NEK9: variants seen among roughly 807,000 people sequenced by gnomAD.
NEK9 encodes the protein NIMA related kinase 9.
Under a neutral mutation model 123.4 loss-of-function variants are expected in NEK9, and 75 were observed. That is an observed-to-expected ratio of 0.61 (90% CI 0.50 to 0.74). The LOEUF (loss-of-function observed/expected upper bound fraction) is 0.74, where lower values mean the gene tolerates loss of function less well. NEK9 is among the 30% of genes least tolerant of loss of function. NEK9 has a pLI of 0.00. For missense variants in NEK9, 952 were observed against 1,214.4 expected (o/e 0.78, Z 3.21); for synonymous variants, 438 against 458.7 (o/e 0.95, Z 0.58).
chr14:75,121,552 A>C (rs1286495395), intron 2 of NEK9, among the ~76,000 whole-genome samples: 1 of 152,358 alleles, frequency 6.6e-6, no homozygotes, highest in South Asian at 2.1e-4. Flanking sequence ...TGTGACTACT[A>C]TAACATCTGG....
rs1895553771 is a variant in NEK9 at position 75,126,894 on chromosome 14, G to A, written c.28C>T (p.His10Tyr). Residue 10 changes from histidine to tyrosine, a missense_variant, in exon 1 of 22, where the codon CAC (histidine) becomes TAC (tyrosine). By Grantham distance (83) the His-to-Tyr change is moderately conservative. Coordinates refer to ENST00000238616, the MANE Select transcript of NEK9 (RefSeq NM_033116.6). ...AAGTCCGAGTTGATGGAATCGCAGT[G>A]TCGCTCGTACTCGCCCAGCACCGAC... MSVLGEYER[H>Y]CDSINSDFGS... is the part of the protein sequence containing the mutation. The A allele has an allele frequency of 6.6e-7, 1 of 1,520,702 alleles. No individual in the cohort carries two copies. The highest frequency in any genetic ancestry group is 8.8e-7 in the Non-Finnish European group (1 of 1,133,042). The allele number at this position is 1,520,702 out of a possible 1,614,324, so 94.2% of individuals were successfully genotyped here.
Position 75,091,478 on chromosome 14 carries a change from A to G in NEK9, c.2234T>C (p.Val745Ala). Residue 745 changes from valine to alanine, a missense_variant and splice_region_variant, in exon 19 of 22, where the codon GTG becomes GCG. This residue lies in a region of NEK9 where 698 missense variants were observed against 875.6 expected (regional missense o/e 0.80). Coordinates refer to ENST00000238616, the MANE Select transcript of NEK9 (RefSeq NM_033116.6). Reference protein sequence around the residue: ...SNSSGLSIGTVFQSSSPGGGG... With the variant: ...SNSSGLSIGTAFQSSSPGGGG... ...TCCTCCCGGGCTAGAGCTCTGAAAC[A>G]CTGACAGATATACAGCACAGAAATA... 1.9e-6 allele frequency: 3 copies of G among 1,579,514 alleles called. No homozygotes were observed. Among genetic ancestry groups the G allele is most frequent in the Non-Finnish European group, 2.6e-6 (3 of 1,165,332 alleles).
chr14:75,108,162 T>C (rs573810485), intron 10 of NEK9, among the ~76,000 whole-genome samples: 2 of 151,968 alleles, frequency 1.3e-5, no homozygotes, highest in Admixed American at 1.3e-4. Flanking sequence ...TTCGCTCTTG[T>C]CACCCAGGCT....
At chr14:75,101,359 C>G (rs1894573910) in intron 15 of NEK9, among the ~76,000 whole-genome samples, 1 of 152,156 alleles carries the variant, frequency 6.6e-6, no homozygotes, top group Non-Finnish European at 1.5e-5. Context: ...ATTGTATTCT[C>G]TCTCCAGTAC....
At position 75,091,382 on chromosome 14, in the gene NEK9, C is replaced by A. The variant is rs768008348; in HGVS notation, c.2330G>T (p.Gly777Val). ...GTCTGCTTCCATTGTTCCTCGGAAGCCTCCACTTGGGTCAGGAGTTTCAGA... is the reference window on the plus strand; with the variant it reads ...GTCTGCTTCCATTGTTCCTCGGAAGACTCCACTTGGGTCAGGAGTTTCAGA... ...QESETPDPSGGFRGTMEADRG... is the reference protein window; with the variant it reads ...QESETPDPSGVFRGTMEADRG... Residue 777 changes from glycine to valine, a missense_variant, in exon 19 of 22, where the codon GGC becomes GTC. By Grantham distance (109) the Gly-to-Val change is moderately radical (BLOSUM62 -3). Around this residue, in one of 4 missense-constraint regions of NEK9, gnomAD observed 698 missense variants for 875.6 expected, o/e 0.80. Transcript: ENST00000238616. 3 of 1,613,866 alleles carry A rather than the reference C, an allele frequency of 1.9e-6. No homozygotes were observed. Among genetic ancestry groups the A allele is most frequent in the African/African-American group, 1.3e-5 (1 of 74,928 alleles).
At chr14:75,109,520 G>A (rs1329583545) in intron 10 of NEK9, among the ~76,000 whole-genome samples, 165 bp downstream of exon 10, 1 of 152,164 alleles carries the variant, frequency 6.6e-6, no homozygotes, top group Non-Finnish European at 1.5e-5. Flanking sequence ...GCATACATCA[G>A]TGAACTAAAC....
Position 75,107,491 on chromosome 14 carries a change from T to G in NEK9, c.1183-4A>C. The G allele has an allele frequency of 6.3e-7, 1 of 1,583,518 alleles. No individual in the cohort carries two copies. Among genetic ancestry groups the G allele is most frequent in the South Asian group, 1.2e-5 (1 of 85,652 alleles). On this transcript the variant is annotated splice_region_variant and splice_polypyrimidine_tract_variant and intron_variant, in intron 10 of 21. Coordinates refer to ENST00000238616, the MANE Select transcript of NEK9 (RefSeq NM_033116.6). ...GTTTAGTGCCTCCTTGCATGTTCTG[T>G]GAAATAAAGAGGTCTTATGACTTTT...
At chr14:75,096,255 C>A (rs936562845) in intron 17 of NEK9, among the ~76,000 whole-genome samples, 2 of 113,268 alleles carry the variant, frequency 1.8e-5, no homozygotes, top group African/African-American at 7.0e-5. Context: ...CCAGCCTGGG[C>A]GACAGAGCGA....
At chr14:75,101,272 TA>T (rs1894570917) in intron 15 of NEK9, 119 bp from the exon 16 acceptor site, 1 of 1,080,074 alleles carries the variant, frequency 9.3e-7, no homozygotes, top group South Asian at 1.6e-5. Flanking sequence ...AATATAAAAC[TA>T]GCCACATGAT....
At chr14:75,115,600 TAC>T (rs957864238) in intron 6 of NEK9, among the ~76,000 whole-genome samples, 13 of 152,352 alleles carry the variant, frequency 8.5e-5, no homozygotes, top group African/African-American at 2.9e-4. Flanking sequence ...TATATATTGT[TAC>T]CATGTTATAG....
At chr14:75,087,749 C>T (rs1010230329) in intron 20 of NEK9, among the ~76,000 whole-genome samples, 2 of 152,248 alleles carry the variant, frequency 1.3e-5, no homozygotes, top group African/African-American at 4.8e-5. Context: ...TTCTGGGAAG[C>T]TTTCTGATGA....
At chr14:75,088,435 T>C in intron 20 of NEK9, 45 bp downstream of exon 20, 1 of 1,592,190 alleles carries the variant, frequency 6.3e-7, no homozygotes, top group Non-Finnish European at 8.6e-7. Flanking sequence ...GAGCTTGCAG[T>C]GACTGTTTAC....
In NEK9 at chr14:75,107,401, C is replaced by G. The variant is rs771898413; in HGVS notation, c.1269G>C (p.Leu423Phe). 4.3e-6 allele frequency: 7 copies of G among 1,614,004 alleles called. No individual in the cohort carries two copies. The South Asian group carries it at 7.7e-5, about 18-fold the overall frequency. Residue 423 changes from leucine (L) to phenylalanine (F), a missense_variant, in exon 11 of 22, where the codon TTG (leucine) becomes TTC (phenylalanine). Leu to Phe is a conservative substitution (Grantham distance 22). Transcript: ENST00000238616. Reference protein sequence around the residue: ...SYRQPKHVEKLQGKAIRQVSC... With the variant: ...SYRQPKHVEKFQGKAIRQVSC... ...ACACCTGACGGATAGCTTTGCCTTG[C>G]AACTTTTCCACATGCTTTGGCTGTC...
rs8017642 is a variant in NEK9 at position 75,124,119 on chromosome 14, G to A, written c.324C>T (p.His108=). The A allele has an allele frequency of 0.48, 777,624 of 1,613,266 alleles. 194,907 individuals are homozygous for A. Among genetic ancestry groups the A allele is most frequent in the East Asian group, 0.83 (37,168 of 44,860 alleles). ...GATTGTAGTAGGCAATAATGTTGTC[G>A]TGCTGCAGCAGTGCCAGAATAACAA... ...NEIVILALLQ[H]DNIIAYYNHF... Residue 108 remains histidine, a synonymous_variant, in exon 2 of 22, where the codon CAC becomes CAT. Transcript: ENST00000238616.
At chr14:75,106,360 A>AG (rs1425541436) in intron 12 of NEK9, 142 bp downstream of exon 12, 4 of 630,300 alleles carry the variant, frequency 6.3e-6, no homozygotes, top group East Asian at 3.1e-5. Context: ...CTCTGTCTCG[A>AG]GAAAAAAAAA....
intron 18 of NEK9, among the ~76,000 whole-genome samples, chr14:75,092,574 C>A (rs754113918): frequency 6.6e-6 from 1 of 152,196 alleles, no homozygotes; most frequent in Non-Finnish European, 1.5e-5. Context: ...GCCAATTCTT[C>A]AAAATTTAAT....
chr14:75,090,277 CTT>C (rs543579822), intron 19 of NEK9, among the ~76,000 whole-genome samples: 30 of 118,772 alleles, frequency 2.5e-4, no homozygotes, highest in Admixed American at 3.4e-4. Context: ...CATGCTCGGT[CTT>C]TTTTTTTTTT....
intron 5 of NEK9, 78 bp downstream of exon 5, chr14:75,118,752 A>G: frequency 2.4e-6 from 2 of 833,734 alleles, no homozygotes; most frequent in Non-Finnish European, 3.9e-6. Flanking sequence ...TGAGAAAAGT[A>G]TGCAAGATTT....
intron 17 of NEK9, among the ~76,000 whole-genome samples, chr14:75,096,139 C>T (rs781265001): frequency 8.6e-5 from 13 of 151,880 alleles, no homozygotes; most frequent in Non-Finnish European, 1.5e-4. Context: ...AAAAATTAGC[C>T]AGGTGTGATG....
Sources: allele counts gnomAD v4.1 joint callset (sites outside exome capture counted in the v4.1 genomes callset), GRCh38; gene constraint gnomAD v4.1.1; regional missense constraint gnomAD v4.1.1; transcripts MANE v1.5; gene names NCBI Gene and HGNC (gene_info 2026-07-23, HGNC 2026-07-21).